RXRA: variants seen among roughly 807,000 people sequenced by gnomAD.
The protein encoded by RXRA is retinoid X receptor alpha.
Under a neutral mutation model 44.5 loss-of-function variants are expected in RXRA, and 5 were observed. That is an observed-to-expected ratio of 0.11 (90% CI 0.06 to 0.24). The LOEUF (loss-of-function observed/expected upper bound fraction) is 0.24. Among genes scored for constraint, RXRA ranks in the 10% least tolerant of loss-of-function variants. The pLI is 1.00. For synonymous variants in RXRA, 291 were observed against 271.4 expected (o/e 1.07, Z -0.71); for missense variants, 412 against 646.5 (o/e 0.64, Z 3.93).
intron 6 of RXRA, chr9:134,423,528 G>GC: frequency 1.0e-6 from 1 of 985,422 alleles, no homozygotes; most frequent in Non-Finnish European, 1.2e-6. Flanking sequence ...AGGGCCTGGC[G>GC]CCGTCGCCAC....
At position 134,401,746 on chromosome 9, in the gene RXRA, A is replaced by T. The variant is rs1291556244; in HGVS notation, c.143A>T (p.His48Leu). ...GPGIGSPGQL[H>L]SPISTLSSPI... is the part of the protein sequence containing the mutation. ...GGCATCGGCTCCCCGGGACAGCTGC[A>T]TTCTCCCATCAGCACCCTGAGCTCC... Residue 48 changes from histidine to leucine, a missense_variant, in exon 2 of 10, where the codon CAT (histidine) becomes CTT (leucine). His to Leu is a moderately conservative substitution (Grantham distance 99). Coordinates refer to ENST00000481739, the MANE Select transcript of RXRA (RefSeq NM_002957.6). 6.2e-7 allele frequency: 1 copy of T among 1,612,958 alleles called. No homozygotes were observed.
intron 4 of RXRA, among the ~76,000 whole-genome samples, chr9:134,410,408 G>C (rs1019910494): frequency 3.2e-4 from 48 of 152,356 alleles, no homozygotes; most frequent in African/African-American, 1.1e-3. Context: ...GCTGGGCCCT[G>C]GCCCCCATCC....
intron 9 of RXRA, among the ~76,000 whole-genome samples, chr9:134,434,921 G>T (rs917235162): frequency 6.6e-6 from 1 of 151,910 alleles, no homozygotes; most frequent in Non-Finnish European, 1.5e-5. Context: ...AGGCCTTCCC[G>T]CCACCAGCAC....
At chr9:134,423,729 T>C in intron 6 of RXRA, 2 of 985,478 alleles carry the variant, frequency 2.0e-6, no homozygotes, top group Non-Finnish European at 2.4e-6. Context: ...GTATTCCGCC[T>C]GCCAAGGGAA....
At chr9:134,383,858 G>C (rs796099389) in intron 1 of RXRA, among the ~76,000 whole-genome samples, 12 of 152,302 alleles carry the variant, frequency 7.9e-5, no homozygotes, top group African/African-American at 2.6e-4. Context: ...AACCCGATGT[G>C]CAGGGAGCTG....
chr9:134,427,308 C>G, intron 6 of RXRA: 4 of 308,070 alleles, frequency 1.3e-5, no homozygotes, highest in Non-Finnish European at 1.9e-5. Context: ...AAACCCCCGC[C>G]CCGGGGGACC....
intron 5 of RXRA, among the ~76,000 whole-genome samples, 180 bp from the exon 6 acceptor site, chr9:134,421,496 C>A (rs1484489772): frequency 1.3e-5 from 2 of 152,192 alleles, no homozygotes; most frequent in Non-Finnish European, 2.9e-5. Context: ...TCTGCCAAGC[C>A]CCATGTGCCA....
intron 1 of RXRA, among the ~76,000 whole-genome samples, chr9:134,388,320 G>A (rs1370012522): frequency 2.1e-5 from 1 of 48,246 alleles, no homozygotes. Flanking sequence ...TGCGTGCACA[G>A]GCACACGTGT....
intron 2 of RXRA, chr9:134,406,536 C>A (rs1831053144): frequency 6.6e-6 from 1 of 152,218 alleles, no homozygotes. Flanking sequence ...AATCCGGAGC[C>A]AGGGATCCGC....
At chr9:134,387,355 A>T (rs1196873252) in intron 1 of RXRA, among the ~76,000 whole-genome samples, 2 of 152,260 alleles carry the variant, frequency 1.3e-5, no homozygotes, top group African/African-American at 4.8e-5. Context: ...CCCACGGTAC[A>T]GGAAGACAGG....
At chr9:134,413,691 C>T (rs961414217) in intron 4 of RXRA, among the ~76,000 whole-genome samples, 4 of 152,222 alleles carry the variant, frequency 2.6e-5, no homozygotes, top group Admixed American at 2.0e-4. Context: ...ATGCCTGCCT[C>T]GGAGCTGTCT....
chr9:134,414,548 T>C (rs1831203081), intron 4 of RXRA, among the ~76,000 whole-genome samples: 1 of 152,266 alleles, frequency 6.6e-6, no homozygotes, highest in African/African-American at 2.4e-5. Flanking sequence ...CTGCTTGGGC[T>C]GTGGCAGGCT....
intron 1 of RXRA, among the ~76,000 whole-genome samples, chr9:134,369,550 A>C (rs529436558): frequency 6.6e-6 from 1 of 151,488 alleles, no homozygotes; most frequent in South Asian, 2.1e-4. Flanking sequence ...TGGAGATCGC[A>C]GCTGTTGTGC....
chr9:134,387,731 GC>G (rs922842904), intron 1 of RXRA, among the ~76,000 whole-genome samples: 9 of 152,230 alleles, frequency 5.9e-5, no homozygotes, highest in African/African-American at 2.2e-4. Flanking sequence ...CGGCGTGCCT[GC>G]CTCGCACACT....
At chr9:134,431,710 T>G (rs1831534669) in intron 7 of RXRA, among the ~76,000 whole-genome samples, 195 bp from the exon 8 acceptor site, 1 of 146,550 alleles carries the variant, frequency 6.8e-6, no homozygotes, top group Admixed American at 6.6e-5. Context: ...CAGGCAGGCC[T>G]GGCAGGGGCG....
chr9:134,362,383 G>C (rs1233988715), intron 1 of RXRA, among the ~76,000 whole-genome samples: 1 of 152,182 alleles, frequency 6.6e-6, no homozygotes. Flanking sequence ...GGCCCGCCTC[G>C]CTGGGTGCCC....
At chr9:134,327,121 C>G (rs1028874639) in intron 1 of RXRA, among the ~76,000 whole-genome samples, 3 of 152,078 alleles carry the variant, frequency 2.0e-5, no homozygotes. Context: ...TCTAGCAGGC[C>G]GCTGGCCCTT....
intron 1 of RXRA, among the ~76,000 whole-genome samples, chr9:134,367,713 G>A (rs970814857): frequency 1.3e-5 from 2 of 152,222 alleles, no homozygotes; most frequent in Non-Finnish European, 2.9e-5. Flanking sequence ...CCCCCAAGGG[G>A]CACAGAGCCT....
intron 1 of RXRA, among the ~76,000 whole-genome samples, chr9:134,341,503 T>C (rs1440542527): frequency 2.0e-5 from 3 of 152,164 alleles, no homozygotes; most frequent in African/African-American, 7.2e-5. Flanking sequence ...TTTTATTTCC[T>C]ATTTTTACTT....
Sources: gnomAD v4.1 joint callset for allele counts (sites outside exome capture counted in the v4.1 genomes callset) on GRCh38, gnomAD v4.1.1 for gene constraint, MANE v1.5 for transcripts, NCBI Gene and HGNC (gene_info 2026-07-23, HGNC 2026-07-21) for gene names.